Variants in MGAM2 observed in about 807,000 individuals in gnomAD.
The protein encoded by MGAM2 is probable maltase-glucoamylase 2.
In MGAM2, 98 loss-of-function variants were observed where a neutral mutation model predicts 96.1. The observed-to-expected ratio is 1.02, with a 90% CI of 0.87 to 1.21. The LOEUF (loss-of-function observed/expected upper bound fraction) is 1.21. Among genes scored for constraint, MGAM2 ranks in the 50% most tolerant of loss-of-function variants. The pLI is 0.00. For missense variants in MGAM2, 2,055 were observed against 1,182.4 expected (o/e 1.74, Z -10.82); for synonymous variants, 749 against 414.8 (o/e 1.81, Z -9.79).
intron 1 of MGAM2, among the ~76,000 whole-genome samples, chr7:142,116,209 C>T (rs1817396910): frequency 6.6e-6 from 1 of 152,116 alleles, no homozygotes; most frequent in Admixed American, 6.5e-5. Context: ...CTTTGATTCC[C>T]AGTTCAGTAC....
chr7:142,130,485 C>T (rs1218337562), intron 3 of MGAM2, among the ~76,000 whole-genome samples: 1 of 152,208 alleles, frequency 6.6e-6, no homozygotes, highest in Non-Finnish European at 1.5e-5. Context: ...GCTGCTTTCT[C>T]CGCCAGGAAT....
rs373974721 is a variant in MGAM2 at position 142,137,247 on chromosome 7, T to A, written c.848-186T>A. Among the ~76,000 whole-genome samples, 6 of 152,012 alleles carry A rather than the reference T, an allele frequency of 3.9e-5. No homozygotes were observed. The South Asian group carries it at 8.3e-4, about 21-fold the overall frequency. On this transcript the variant is annotated intron_variant, in intron 8 of 47. Coordinates refer to ENST00000477922, the MANE Select transcript of MGAM2 (RefSeq NM_001293626.2). ...AAAAAAAACAAAACTCAATTCTTCA[T>A]TGGTGTCTTACACATTCAATACTTT...
Position 142,164,956 on chromosome 7 carries a change from A to C in MGAM2, c.2585A>C (p.Asn862Thr). 2.8e-6 allele frequency: 2 copies of C among 702,806 alleles called. No individual in the cohort carries two copies. Among genetic ancestry groups the C allele is most frequent in the South Asian group, 3.0e-5 (2 of 67,570 alleles). 43.5% of individuals were successfully genotyped at this position (702,806 alleles called of 1,614,324 possible). Residue 862 changes from asparagine (N) to threonine (T), a missense_variant, in exon 24 of 48, where the codon AAT becomes ACT. By Grantham distance (65) the Asn-to-Thr change is moderately conservative. Coordinates refer to ENST00000477922, the MANE Select transcript of MGAM2 (RefSeq NM_001293626.2). Reference sequence around the variant, plus strand: ...TTGGGAATGGACAAACAGCCAGCTAATTTTATCGTCCTACTGAATAATGTT... The same window carrying C: ...TTGGGAATGGACAAACAGCCAGCTACTTTTATCGTCCTACTGAATAATGTT... ...TILGMDKQPA[N>T]FIVLLNNVAT...
At chr7:142,209,367 G>A (rs1307720610) in intron 46 of MGAM2, among the ~76,000 whole-genome samples, 1 of 152,162 alleles carries the variant, frequency 6.6e-6, no homozygotes, top group African/African-American at 2.4e-5. Flanking sequence ...CAACTGGAGT[G>A]GGAGGGCATT....
chr7:142,212,769 A>G (rs1026833275), intron 46 of MGAM2, among the ~76,000 whole-genome samples: 2 of 152,188 alleles, frequency 1.3e-5, no homozygotes, highest in African/African-American at 4.8e-5. Flanking sequence ...AATATTAGAC[A>G]GATCAACAAG....
At chr7:142,183,950 C>CTTTTTTTTTTTTTTTTT (rs748299647) in intron 33 of MGAM2, among the ~76,000 whole-genome samples, 1 of 46,112 alleles carries the variant, frequency 2.2e-5, no homozygotes, top group Non-Finnish European at 4.9e-5. Flanking sequence ...TTCCAGGCTC[C>CTTTTTTTTTTTTTTTTT]TTTTTTTTTT....
Position 142,138,730 on chromosome 7 carries a change from A to C in MGAM2, c.1086+63A>C. On this transcript the variant is annotated intron_variant, in intron 10 of 47. Transcript: ENST00000477922. ...ATTCCCATTTTTATTTTTTGCATTAAATTCAATGTATTAGGAAAAATGTAG... is the reference window on the plus strand; with the variant it reads ...ATTCCCATTTTTATTTTTTGCATTACATTCAATGTATTAGGAAAAATGTAG... The C allele has an allele frequency of 9.1e-6, 6 of 658,236 alleles. No homozygotes were observed. In the South Asian group the frequency reaches 9.9e-5, roughly 11 times the overall value. 40.8% of individuals were successfully genotyped at this position (658,236 alleles called of 1,614,324 possible).
chr7:142,209,843 A>T (rs1296111708), intron 46 of MGAM2, among the ~76,000 whole-genome samples: 1 of 152,206 alleles, frequency 6.6e-6, no homozygotes, highest in Non-Finnish European at 1.5e-5. Context: ...TGAACACTTG[A>T]AATGTGACCA....
intron 12 of MGAM2, among the ~76,000 whole-genome samples, chr7:142,142,532 T>TG (rs1563257211): frequency 2.8e-5 from 4 of 140,820 alleles, no homozygotes; most frequent in African/African-American, 1.1e-4. Context: ...GTGTTTTTTT[T>TG]TTTTTTTTTT....
intron 6 of MGAM2, among the ~76,000 whole-genome samples, chr7:142,132,876 T>G (rs1794941353): frequency 7.7e-6 from 1 of 129,432 alleles, no homozygotes; most frequent in South Asian, 2.3e-4. Flanking sequence ...AAATTAAATA[T>G]AATATATAAT....
chr7:142,121,664 T>C (rs1178120177), intron 3 of MGAM2, among the ~76,000 whole-genome samples: 1 of 150,692 alleles, frequency 6.6e-6, no homozygotes, highest in Non-Finnish European at 1.5e-5. Context: ...ATTTTATTTT[T>C]ATATTTATTA....
chr7:142,199,353 C>A (rs750504177), intron 44 of MGAM2, among the ~76,000 whole-genome samples: 21 of 152,112 alleles, frequency 1.4e-4, no homozygotes, highest in Non-Finnish European at 2.5e-4. Context: ...TGAGCTGGAT[C>A]TTTTAGATTT....
At chr7:142,146,047 C>T (rs1261395743) in intron 14 of MGAM2, among the ~76,000 whole-genome samples, 1 of 151,910 alleles carries the variant, frequency 6.6e-6, no homozygotes, top group Non-Finnish European at 1.5e-5. Context: ...TTACCTCTTG[C>T]AACATCTACT....
rs1796256101 is a variant in MGAM2, at chr7:142,173,233, T to C, written c.3566T>C (p.Ile1189Thr). The change falls in exon 31 of 48, where the codon ATT becomes ACT. Residue 1189 changes from isoleucine to threonine, a missense_variant. Physicochemically the swap from Ile to Thr is moderately conservative, Grantham distance 89 (BLOSUM62 -1). Transcript: ENST00000477922. Reference sequence around the variant, plus strand: ...GCATTTTTCTTTTTATTCTAGTTGATTGGTCGGCCAGCAATGATTCCATAC... The same window carrying C: ...GCATTTTTCTTTTTATTCTAGTTGACTGGTCGGCCAGCAATGATTCCATAC... ...ELVTQQYTEL[I>T]GRPAMIPYWA... 2.8e-6 allele frequency: 2 copies of C among 703,018 alleles called. No individual in the cohort carries two copies. The highest frequency in any genetic ancestry group is 2.6e-6 in the Non-Finnish European group (1 of 384,884). The allele number at this position is 703,018 out of a possible 1,614,324, so 43.5% of individuals were successfully genotyped here. A position where few individuals can be genotyped will look rare whatever the true frequency, so the allele number is the denominator to read the frequency against.
chr7:142,207,665 G>A (rs1253093569), intron 45 of MGAM2, among the ~76,000 whole-genome samples: 4 of 152,016 alleles, frequency 2.6e-5, no homozygotes, highest in Non-Finnish European at 5.9e-5. Context: ...TCCTGACCTC[G>A]TGATGCGCCC....
chr7:142,159,198 C>A, intron 19 of MGAM2, 89 bp from the exon 20 acceptor site: 1 of 675,672 alleles, frequency 1.5e-6, no homozygotes, highest in South Asian at 1.6e-5. Flanking sequence ...CAGGATTGTT[C>A]AGATAGGCAC....
chr7:142,155,262 G>T (rs1382923288), intron 17 of MGAM2, among the ~76,000 whole-genome samples: 1 of 152,174 alleles, frequency 6.6e-6, no homozygotes, highest in Non-Finnish European at 1.5e-5. Flanking sequence ...CTTTCCCCTT[G>T]TTACAACATT....
intron 7 of MGAM2, among the ~76,000 whole-genome samples, 158 bp from the exon 8 acceptor site, chr7:142,136,383 C>T (rs1391380976): frequency 2.0e-5 from 3 of 151,922 alleles, no homozygotes; most frequent in African/African-American, 2.4e-5. Context: ...ATTCATTTTC[C>T]AGTTGATAAT....
At chr7:142,203,050 T>G (rs955467870) in intron 45 of MGAM2, among the ~76,000 whole-genome samples, 4 of 152,218 alleles carry the variant, frequency 2.6e-5, no homozygotes, top group Non-Finnish European at 5.9e-5. Context: ...GATAAGCATT[T>G]TTTCATGTTT....
Sources: allele counts gnomAD v4.1 joint callset (sites outside exome capture counted in the v4.1 genomes callset), GRCh38; gene constraint gnomAD v4.1.1; transcripts MANE v1.5; gene names NCBI Gene and HGNC (gene_info 2026-07-23, HGNC 2026-07-21).